QTMAN: variants seen among roughly 807,000 people sequenced by gnomAD.
The protein encoded by QTMAN is queuosine-tRNA mannosyltransferase.
the QTMAN span, among the ~76,000 whole-genome samples, chr2:144,154,935 G>C: frequency 2.0e-5 from 3 of 152,096 alleles, no homozygotes; most frequent in African/African-American, 7.2e-5. Context: ...TGGAGTGAAT[G>C]GATCATTCAT....
chr2:144,286,514 T>C, the QTMAN span, among the ~76,000 whole-genome samples: 1 of 152,214 alleles, frequency 6.6e-6, no homozygotes, highest in African/African-American at 2.4e-5. Context: ...TTCATTCCCC[T>C]TTTAGAGTCA....
At chr2:144,242,960 T>TAAAAAAAAA in the QTMAN span, among the ~76,000 whole-genome samples, 165 of 77,796 alleles carry the variant, frequency 2.1e-3, 7 homozygotes, top group African/African-American at 9.7e-3. Flanking sequence ...AGACTCTACT[T>TAAAAAAAAA]AAAAAAAAAA....
chr2:144,312,210 C>T, the QTMAN span, among the ~76,000 whole-genome samples: 1 of 136,378 alleles, frequency 7.3e-6, no homozygotes, highest in Admixed American at 7.9e-5. Context: ...TGAATAAAGA[C>T]AAGAGTCTCA....
chr2:144,013,812 T>C, the QTMAN span, among the ~76,000 whole-genome samples: 3 of 152,166 alleles, frequency 2.0e-5, no homozygotes, highest in African/African-American at 7.2e-5. Flanking sequence ...TGCCAAACAA[T>C]GTGGTGGAAA....
the QTMAN span, chr2:143,942,263 C>G: frequency 1.2e-5 from 2 of 167,056 alleles, no homozygotes; most frequent in Non-Finnish European, 2.9e-5. Context: ...GGTGGGACAC[C>G]TGAAGAAACC....
the QTMAN span, among the ~76,000 whole-genome samples, chr2:144,062,590 C>CA: frequency 1.3e-5 from 2 of 152,134 alleles, no homozygotes; most frequent in South Asian, 2.1e-4. Context: ...CATTAGATCA[C>CA]AAAAAACCTG....
chr2:144,232,920 A>T, the QTMAN span, among the ~76,000 whole-genome samples: 1 of 152,158 alleles, frequency 6.6e-6, no homozygotes, highest in African/African-American at 2.4e-5. Context: ...AGAATTGGTA[A>T]ACTTAAAAAC....
the QTMAN span, among the ~76,000 whole-genome samples, chr2:144,073,624 C>T: frequency 1.3e-5 from 2 of 152,162 alleles, no homozygotes; most frequent in East Asian, 1.9e-4. Context: ...CCTGCTCCAA[C>T]AAAATCAGCT....
the QTMAN span, among the ~76,000 whole-genome samples, chr2:144,306,716 TAAGCA>T: frequency 6.6e-6 from 1 of 152,010 alleles, no homozygotes; most frequent in Admixed American, 6.5e-5. Flanking sequence ...ACAACGCAAT[TAAGCA>T]AATCAAATTT....
At chr2:144,043,109 C>T in the QTMAN span, among the ~76,000 whole-genome samples, 2 of 152,058 alleles carry the variant, frequency 1.3e-5, no homozygotes, top group Admixed American at 6.5e-5. Context: ...TTTTTTTCCC[C>T]GCAATGGGAA....
chr2:144,101,381 GTCTA>G, the QTMAN span, among the ~76,000 whole-genome samples: 2 of 127,748 alleles, frequency 1.6e-5, no homozygotes, highest in South Asian at 5.0e-4. Context: ...TTCAAATCAT[GTCTA>G]TCTCTCTCTC....
chr2:143,968,647 G>A, the QTMAN span, among the ~76,000 whole-genome samples: 3 of 152,222 alleles, frequency 2.0e-5, no homozygotes, highest in African/African-American at 4.8e-5. Context: ...TCTGATGGGG[G>A]GAATTTCCTC....
the QTMAN span, among the ~76,000 whole-genome samples, chr2:144,182,872 ATT>A: frequency 5.7e-4 from 44 of 76,628 alleles, 1 homozygote; most frequent in East Asian, 0.01. Flanking sequence ...ATATATATAT[ATT>A]ATATATATAT....
At chr2:144,260,654 G>A in the QTMAN span, among the ~76,000 whole-genome samples, 1 of 151,762 alleles carries the variant, frequency 6.6e-6, no homozygotes, top group Non-Finnish European at 1.5e-5. Flanking sequence ...ACATTAAACT[G>A]TATTAAACTT....
the QTMAN span, among the ~76,000 whole-genome samples, chr2:144,195,155 T>C: frequency 6.6e-6 from 1 of 151,994 alleles, no homozygotes; most frequent in Non-Finnish European, 1.5e-5. Flanking sequence ...CATCTGAAGG[T>C]TTATCATCAA....
the QTMAN span, among the ~76,000 whole-genome samples, chr2:144,252,359 A>G: frequency 6.6e-6 from 1 of 152,198 alleles, no homozygotes; most frequent in Non-Finnish European, 1.5e-5. Context: ...AGCCTGGGTG[A>G]AAGAGCAAGA....
the QTMAN span, among the ~76,000 whole-genome samples, chr2:144,156,931 A>G: frequency 6.6e-6 from 1 of 152,108 alleles, no homozygotes; most frequent in Non-Finnish European, 1.5e-5. Context: ...AGGTGACTGA[A>G]GAGCAGAAAA....
chr2:144,187,970 A>C, the QTMAN span, among the ~76,000 whole-genome samples: 3 of 152,154 alleles, frequency 2.0e-5, no homozygotes, highest in Non-Finnish European at 4.4e-5. Context: ...AGAGGTAGAG[A>C]CTGGAGTGAT....
At chr2:144,183,815 C>G in the QTMAN span, among the ~76,000 whole-genome samples, 3 of 152,312 alleles carry the variant, frequency 2.0e-5, no homozygotes, top group South Asian at 6.2e-4. Context: ...CTCCCCACCC[C>G]CAACCAACTT....
Sources: allele counts gnomAD v4.1 joint callset (sites outside exome capture counted in the v4.1 genomes callset), GRCh38; gene constraint gnomAD v4.1.1; transcripts MANE v1.5; gene names NCBI Gene and HGNC (gene_info 2026-07-23, HGNC 2026-07-21).